ATF7IP: variants seen among roughly 807,000 people sequenced by gnomAD.
The protein encoded by ATF7IP is activating transcription factor 7-interacting protein 1.
ATF7IP carries 23 observed loss-of-function variants against 106.4 expected under a neutral mutation model. The observed-to-expected ratio is 0.22, with a 90% CI of 0.16 to 0.31. The LOEUF (loss-of-function observed/expected upper bound fraction) is 0.31. Among genes scored for constraint, ATF7IP ranks in the 10% least tolerant of loss-of-function variants. The pLI is 1.00. For synonymous variants in ATF7IP, 542 were observed against 539.0 expected, an observed-to-expected ratio of 1.01 and a Z score of -0.08; for missense variants, 1,334 against 1,524.3, an observed-to-expected ratio of 0.88 and a Z score of 2.08.
intron 1 of ATF7IP, among the ~76,000 whole-genome samples, chr12:14,408,273 A>T (rs1940715960): frequency 6.6e-6 from 1 of 151,944 alleles, no homozygotes; most frequent in Admixed American, 6.5e-5. Context: ...CAAGGCACAT[A>T]TTTTTTTCCA....
Position 14,500,875 on chromosome 12 carries a change from A to C in ATF7IP, c.*2802A>C, listed in dbSNP as rs1565565906. ...TAGGAATTCTAAAAATATTTACTAA[A>C]GTAAAATAACTACTTAAAATGTTTT... On this transcript the variant is annotated 3_prime_UTR_variant, in exon 15 of 15. Transcript: ENST00000261168. 2 of 152,228 alleles carry C rather than the reference A, an allele frequency of 1.3e-5. No individual in the cohort carries two copies. Among genetic ancestry groups the C allele is most frequent in the African/African-American group, 2.4e-5 (1 of 41,466 alleles). 9.4% of individuals were successfully genotyped at this position (152,228 alleles called of 1,614,324 possible).
intron 1 of ATF7IP, chr12:14,419,196 C>T (rs1490969379): frequency 2.0e-5 from 3 of 151,932 alleles, no homozygotes; most frequent in Admixed American, 1.3e-4. Context: ...TTAAGGTAAC[C>T]AAAACTAAGA....
chr12:14,404,385 C>G (rs572607261), intron 1 of ATF7IP, among the ~76,000 whole-genome samples: 1 of 152,284 alleles, frequency 6.6e-6, no homozygotes, highest in East Asian at 1.9e-4. Flanking sequence ...ATCATGACCA[C>G]AGGCATTTGA....
intron 1 of ATF7IP, among the ~76,000 whole-genome samples, chr12:14,421,919 C>CT (rs1353681258): frequency 6.6e-6 from 1 of 152,070 alleles, no homozygotes; most frequent in African/African-American, 2.4e-5. Flanking sequence ...AATTCATTAC[C>CT]TTTTTAAGAA....
At chr12:14,400,946 AT>A (rs937005637) in intron 1 of ATF7IP, among the ~76,000 whole-genome samples, 28 of 151,372 alleles carry the variant, frequency 1.8e-4, no homozygotes, top group African/African-American at 5.6e-4. Flanking sequence ...ACGTTTCTGT[AT>A]TTTTTTTCCA....
intron 10 of ATF7IP, among the ~76,000 whole-genome samples, chr12:14,469,056 G>T (rs187575024): frequency 6.2e-4 from 94 of 152,152 alleles, no homozygotes; most frequent in Non-Finnish European, 1.0e-3. Context: ...ACACTTTAAG[G>T]TTATTTAGAT....
chr12:14,494,333 A>ATATATATATATATGTGTG (rs1234871100), intron 13 of ATF7IP, among the ~76,000 whole-genome samples: 2 of 86,014 alleles, frequency 2.3e-5, no homozygotes, highest in African/African-American at 4.5e-5. Flanking sequence ...ATATATATAT[A>ATATATATATATATGTGTG]TGTGTGTGTG....
intron 9 of ATF7IP, among the ~76,000 whole-genome samples, chr12:14,462,607 A>G (rs1440671834): frequency 6.6e-6 from 1 of 152,078 alleles, no homozygotes; most frequent in Admixed American, 6.5e-5. Context: ...AAACACTTCT[A>G]AAAGTGTCAG....
intron 1 of ATF7IP, among the ~76,000 whole-genome samples, chr12:14,422,074 C>T (rs907992745): frequency 8.6e-5 from 13 of 151,896 alleles, no homozygotes; most frequent in Admixed American, 4.6e-4. Context: ...TTTATATGCA[C>T]ACATTACAAA....
chr12:14,379,690 G>A (rs1591761361), intron 1 of ATF7IP, among the ~76,000 whole-genome samples: 1 of 152,142 alleles, frequency 6.6e-6, no homozygotes, highest in Non-Finnish European at 1.5e-5. Flanking sequence ...GTTTGGCTGG[G>A]TATAGAACTC....
chr12:14,460,383 T>G (rs1481200657), intron 8 of ATF7IP, 112 bp from the exon 9 acceptor site: 5 of 1,066,990 alleles, frequency 4.7e-6, no homozygotes, highest in South Asian at 1.9e-5. Context: ...ATAAAAGACT[T>G]TACAGTCTTT....
chr12:14,496,279 G>C lies in ATF7IP; in HGVS notation c.3329G>C (p.Gly1110Ala). 6.2e-7 allele frequency: 1 copy of C among 1,613,900 alleles called. No individual in the cohort carries two copies. The highest frequency in any genetic ancestry group is 8.5e-7 in the Non-Finnish European group (1 of 1,179,910). The change falls in exon 14 of 15, where the codon GGA becomes GCA. Residue 1110 changes from glycine (G) to alanine (A), a missense_variant. Physicochemically the swap from Gly to Ala is moderately conservative, Grantham distance 60. Coordinates refer to ENST00000261168, the MANE Select transcript of ATF7IP (RefSeq NM_018179.5). ...ACAACCACATATGTTGTAAACAATG[G>C]ACTAACCCTGGGATCAACAGGACCT... is the stretch of plus-strand genomic sequence containing the variant. ...PQTTTYVVNNGLTLGSTGPQL... is the reference protein window; with the variant it reads ...PQTTTYVVNNALTLGSTGPQL...
intron 1 of ATF7IP, chr12:14,394,905 T>G (rs1234822932): frequency 1.3e-5 from 2 of 152,196 alleles, no homozygotes; most frequent in African/African-American, 4.8e-5. Context: ...CAAAGAATTC[T>G]GATTCTAGGC....
At position 14,431,912 on chromosome 12, in the gene ATF7IP, T is replaced by G. The variant is rs1225373705; in HGVS notation, c.1559-2425T>G. The stretch of plus-strand genomic sequence containing the variant: ...TCTGTAGAATTTGTTAATACCATTT[T>G]TTAAATCCCAAGTTCTTTCCGTTAC... On this transcript the variant is annotated intron_variant, in intron 2 of 14. Coordinates refer to ENST00000261168, the MANE Select transcript of ATF7IP (RefSeq NM_018179.5). 3.3e-5 allele frequency among the ~76,000 whole-genome samples: 5 copies of G among 152,234 alleles called. No individual in the cohort carries two copies. In the East Asian group the frequency reaches 9.6e-4, roughly 29 times the overall value.
chr12:14,438,157 T>C lies in ATF7IP; in HGVS notation c.1819T>C (p.Leu607=), dbSNP rs138145099. The change falls in exon 5 of 15, where the codon TTG becomes CTG. Residue 607 remains leucine (L), a synonymous_variant. Coordinates refer to ENST00000261168, the MANE Select transcript of ATF7IP (RefSeq NM_018179.5). ...KVIQWLLEEK[L]CALQCAVFDK... is the part of the protein sequence containing the mutation. ...TATACAGTGGTTGCTGGAAGAAAAA[T>C]TGTGTGCGCTGCAGTGTGCTGTATT... 1.9e-5 allele frequency: 31 copies of C among 1,613,020 alleles called. No individual in the cohort carries two copies. The highest frequency in any genetic ancestry group is 8.0e-5 in the African/African-American group (6 of 74,886).
chr12:14,428,188 A>T (rs1177416504), intron 2 of ATF7IP, among the ~76,000 whole-genome samples: 1 of 152,230 alleles, frequency 6.6e-6, no homozygotes, highest in Admixed American at 6.5e-5. Context: ...ATTGCAGCTT[A>T]TGATTTAATG....
At chr12:14,398,049 T>C (rs1939951594) in intron 1 of ATF7IP, among the ~76,000 whole-genome samples, 1 of 152,172 alleles carries the variant, frequency 6.6e-6, no homozygotes, top group Admixed American at 6.5e-5. Context: ...GTTTTCTTAA[T>C]AATTTCTCAT....
At chr12:14,436,040 G>A in intron 3 of ATF7IP, 66 bp from the exon 4 acceptor site, 1 of 1,488,996 alleles carries the variant, frequency 6.7e-7, no homozygotes, top group Non-Finnish European at 9.2e-7. Context: ...TGCTAAGGAT[G>A]GATAATATGC....
rs370813700 is a variant in ATF7IP at position 14,466,606 on chromosome 12, C to G, written c.2862+16C>G. The stretch of plus-strand genomic sequence containing the variant: ...CACATCACAGGTAAGATTTTTCCTT[C>G]TTCTTCAAAGTAAAATCCTAATTAT... On this transcript the variant is annotated intron_variant, in intron 10 of 14. Transcript: ENST00000261168. 1 of 1,571,802 alleles carries G rather than the reference C, an allele frequency of 6.4e-7. No homozygotes were observed. The highest frequency in any genetic ancestry group is 8.6e-7 in the Non-Finnish European group (1 of 1,158,578).
Sources: gnomAD v4.1 joint callset for allele counts (sites outside exome capture counted in the v4.1 genomes callset) on GRCh38, gnomAD v4.1.1 for gene constraint, MANE v1.5 for transcripts, NCBI Gene and HGNC (gene_info 2026-07-23, HGNC 2026-07-21) for gene names.